The following ELP1 variants were observed in gnomAD, a reference collection of about 807,000 sequenced individuals.
The protein encoded by ELP1 is elongator complex protein 1.
Under a neutral mutation model 183.2 loss-of-function variants are expected in ELP1, and 131 were observed. That is an observed-to-expected ratio of 0.72 (90% CI 0.62 to 0.83). The LOEUF (loss-of-function observed/expected upper bound fraction) is 0.83, where lower values mean the gene tolerates loss of function less well. ELP1 is among the 40% of genes least tolerant of loss of function. The probability of loss-of-function intolerance (pLI) is 0.00; values close to 1 mark genes in which losing one functional copy is unlikely to be tolerated. For missense variants in ELP1, 1,550 were observed against 1,594.9 expected, an observed-to-expected ratio of 0.97 and a Z score of 0.48; for synonymous variants, 555 against 569.0, an observed-to-expected ratio of 0.98 and a Z score of 0.35.
At chr9:108,913,335 A>T (rs1387851614) in intron 10 of ELP1, among the ~76,000 whole-genome samples, 1 of 152,238 alleles carries the variant, frequency 6.6e-6, no homozygotes, top group Non-Finnish European at 1.5e-5. Flanking sequence ...AAAGAAGATA[A>T]GCATGAAATT....
At position 108,880,155 on chromosome 9, in the gene ELP1, A is replaced by C; in HGVS notation, c.3357T>G (p.Asn1119Lys). Residue 1119 changes from asparagine (N) to lysine (K), a missense_variant, in exon 32 of 37, where the codon AAT becomes AAG. Transcript: ENST00000374647. ...TCTGAGAGTCCAGAAATGCCATATA[A>C]TTTTTCTGGGCTGGAGATGCAGAAT... ...VKPSILEAQK[N>K]YMAFLDSQTA... The C allele has an allele frequency of 6.2e-7, 1 of 1,611,214 alleles. No individual in the cohort carries two copies. The highest frequency in any genetic ancestry group is 1.1e-5 in the South Asian group (1 of 91,026).
chr9:108,907,887 C>A (rs1280976006), intron 13 of ELP1, among the ~76,000 whole-genome samples: 1 of 152,120 alleles, frequency 6.6e-6, no homozygotes, highest in Non-Finnish European at 1.5e-5. Context: ...ATCCCAGGAG[C>A]CTCAAAGCAC....
Position 108,891,187 on chromosome 9 carries a change from A to C in ELP1, c.3160+16T>G, listed in dbSNP as rs1319560227. ...AAAACCTTTGTAGATGTAAACATATAAATGATTGTACTTACCTGCCAGAGT... is the reference window on the plus strand; with the variant it reads ...AAAACCTTTGTAGATGTAAACATATCAATGATTGTACTTACCTGCCAGAGT... On this transcript the variant is annotated intron_variant, in intron 28 of 36. Coordinates refer to ENST00000374647, the MANE Select transcript of ELP1 (RefSeq NM_003640.5). The C allele has an allele frequency of 1.9e-6, 3 of 1,612,742 alleles. No homozygotes were observed. The highest frequency in any genetic ancestry group is 2.7e-5 in the African/African-American group (2 of 74,932).
At position 108,901,483 on chromosome 9, in the gene ELP1, C is replaced by A. The variant is rs1344875419; in HGVS notation, c.1956G>T (p.Leu652Phe). 1.2e-6 allele frequency: 2 copies of A among 1,614,074 alleles called. No individual in the cohort carries two copies. The highest frequency in any genetic ancestry group is 1.7e-5 in the Admixed American group (1 of 60,016). ...TSFAVYDEFL[L>F]LTTHSHTCQC... ...GGCAGGTATGGGAATGGGTTGTCAA[C>A]AATAAAAACTCATCATATACTGCAA... The change falls in exon 18 of 37, where the codon TTG (leucine) becomes TTT (phenylalanine). Residue 652 changes from leucine (L) to phenylalanine (F), a missense_variant. Leu to Phe is a conservative substitution (Grantham distance 22). Coordinates refer to ENST00000374647, the MANE Select transcript of ELP1 (RefSeq NM_003640.5).
chr9:108,920,426 C>A (rs2132033457), intron 6 of ELP1, among the ~76,000 whole-genome samples: 1 of 152,218 alleles, frequency 6.6e-6, no homozygotes, highest in Admixed American at 6.5e-5. Context: ...AGATTACAGG[C>A]ATCTGCCACC....
rs117100816 is a variant in ELP1 at position 108,933,963 on chromosome 9, T to A, written c.-155A>T. 911 of 159,550 alleles carry A rather than the reference T, an allele frequency of 5.7e-3. 5 individuals carry two copies. The highest frequency in any genetic ancestry group is 0.021 in the Middle Eastern group (7 of 338). 9.9% of individuals were successfully genotyped at this position (159,550 alleles called of 1,614,324 possible). A position where few individuals can be genotyped will look rare whatever the true frequency, so the allele number is the denominator to read the frequency against. ...CCCACAGTCCGCACCCAGAGTCGGC[T>A]CCGAATTGCGCACGCGTCTCTGTCC... On this transcript the variant is annotated 5_prime_UTR_variant, in exon 1 of 37. Transcript: ENST00000374647.
rs1827327217 is a variant in ELP1 at position 108,868,776 on chromosome 9, T to C, written c.*339A>G. 1 of 567,028 alleles carries C rather than the reference T, an allele frequency of 1.8e-6. No individual in the cohort carries two copies. Among genetic ancestry groups the C allele is most frequent in the Non-Finnish European group, 3.1e-6 (1 of 321,184 alleles). The allele number at this position is 567,028 out of a possible 1,614,324, so 35.1% of individuals were successfully genotyped here. On this transcript the variant is annotated 3_prime_UTR_variant, in exon 37 of 37. Coordinates refer to ENST00000374647, the MANE Select transcript of ELP1 (RefSeq NM_003640.5). ...AATAAGACAATTTAGAAACATTGTT[T>C]TACTTGTCTTCACACTTTGGAGGTA...
intron 25 of ELP1, among the ~76,000 whole-genome samples, chr9:108,894,288 T>A (rs1027679298): frequency 7.2e-5 from 11 of 152,198 alleles, no homozygotes; most frequent in Admixed American, 2.0e-4. Flanking sequence ...AATCCAAGCA[T>A]ACCCCAGTCC....
rs3835305 is a variant in ELP1 at position 108,903,824 on chromosome 9, T to TAC, written c.1644-157_1644-156dup. Among the ~76,000 whole-genome samples, 6,426 of 150,656 alleles carry TAC rather than the reference T, an allele frequency of 0.043. 448 individuals carry two copies. The highest frequency in any genetic ancestry group is 0.14 in the African/African-American group (5,919 of 40,940). On this transcript the variant is annotated intron_variant, in intron 14 of 36. Transcript: ENST00000374647. Reference sequence around the variant, plus strand: ...ATACATATATACACACCCAATACTATACACACACACACACACACACACACA... The same window carrying TAC: ...ATACATATATACACACCCAATACTATACACACACACACACACACACACACACA...
In ELP1 at chr9:108,894,047, G is replaced by A; in HGVS notation, c.2756C>T (p.Pro919Leu). The A allele has an allele frequency of 6.6e-7, 1 of 1,513,832 alleles. No individual in the cohort carries two copies. The highest frequency in any genetic ancestry group is 9.2e-7 in the Non-Finnish European group (1 of 1,090,824). 93.8% of individuals were successfully genotyped at this position (1,513,832 alleles called of 1,614,324 possible). A position where few individuals can be genotyped will look rare whatever the true frequency, so the allele number is the denominator to read the frequency against. ...CATTTTCTTAAGTGTATTAAGAAAT[G>A]GAAGATATTCTTTGGGATCCTAAAA... ...KSQKDPKEYL[P>L]FLNTLKKMET... The change falls in exon 26 of 37, where the codon CCA becomes CTA. Residue 919 changes from proline (P) to leucine (L), a missense_variant. Transcript: ENST00000374647.
At chr9:108,926,380 G>T in intron 5 of ELP1, 143 bp downstream of exon 5, 1 of 720,602 alleles carries the variant, frequency 1.4e-6, no homozygotes, top group Non-Finnish European at 2.5e-6. Context: ...TGGGCTGAAG[G>T]AACTGGGCTA....
intron 7 of ELP1, 89 bp downstream of exon 7, chr9:108,919,164 C>T: frequency 1.1e-6 from 1 of 870,378 alleles, no homozygotes; most frequent in Non-Finnish European, 1.9e-6. Context: ...TAATTAATAC[C>T]CTACTCAAAG....
At chr9:108,932,151 G>C (rs1443253391) in intron 1 of ELP1, among the ~76,000 whole-genome samples, 1 of 152,152 alleles carries the variant, frequency 6.6e-6, no homozygotes, top group African/African-American at 2.4e-5. Flanking sequence ...AAAGAATAAA[G>C]ATGAATCAAT....
rs779459585 is a variant in ELP1, at chr9:108,878,653, C to T, written c.3670G>A (p.Glu1224Lys). 1.9e-6 allele frequency: 3 copies of T among 1,614,254 alleles called. No individual in the cohort carries two copies. The highest frequency in any genetic ancestry group is 2.5e-6 in the Non-Finnish European group (3 of 1,180,046). ...EDLALLEALSEVVQNTENLKD... is the reference protein window; with the variant it reads ...EDLALLEALSKVVQNTENLKD... ...AGGTTTTCAGTGTTCTGCACCACTT[C>T]ACTCAGTGCCTCCAGGAGGGCCAGG... is the stretch of plus-strand genomic sequence containing the variant. The change falls in exon 34 of 37, where the codon GAA becomes AAA. Residue 1224 changes from glutamate (E) to lysine (K), a missense_variant. By Grantham distance (56) the Glu-to-Lys change is moderately conservative (BLOSUM62 1). Transcript: ENST00000374647.
intron 1 of ELP1, among the ~76,000 whole-genome samples, chr9:108,932,756 T>C (rs1830039564): frequency 6.6e-6 from 1 of 152,128 alleles, no homozygotes; most frequent in African/African-American, 2.4e-5. Context: ...TCCACTTCTT[T>C]CCAGGCTAGG....
chr9:108,883,472 GAGTTTTACAGTTTT>G (rs1390328656), intron 29 of ELP1, among the ~76,000 whole-genome samples: 2 of 151,590 alleles, frequency 1.3e-5, no homozygotes, highest in African/African-American at 4.9e-5. Flanking sequence ...CAGCCTTCAA[GAGTTTTACAGTTTT>G]AGCTCTTAAA....
chr9:108,893,915 A>G, intron 26 of ELP1, 28 bp downstream of exon 26: 1 of 1,612,702 alleles, frequency 6.2e-7, no homozygotes, highest in Non-Finnish European at 8.5e-7. Flanking sequence ...TCTGAAGTAG[A>G]GATAAACATA....
rs1358881100 is a variant in ELP1 at position 108,897,248 on chromosome 9, C to CTGG, written c.2398_2400dup (p.Pro800dup). ...CTGGACAGGTAGACACTGCTGGTAA[C>CTGG]TGGTGCAGGGTACATGGTCTTCGTG... On this transcript the variant is annotated inframe_insertion, in exon 23 of 37. Transcript: ENST00000374647. 1.9e-6 allele frequency: 3 copies of CTGG among 1,614,038 alleles called. No individual in the cohort carries two copies. Among genetic ancestry groups the CTGG allele is most frequent in the East Asian group, 4.5e-5 (2 of 44,896 alleles).
At chr9:108,913,793 C>T (rs140846813) in intron 10 of ELP1, among the ~76,000 whole-genome samples, 9,150 of 152,144 alleles carry the variant, frequency 0.06, 937 homozygotes, top group African/African-American at 0.21. Flanking sequence ...ACTACAGGCG[C>T]GCACCACCAC....
Sources: gnomAD v4.1 joint callset for allele counts (sites outside exome capture counted in the v4.1 genomes callset) on GRCh38, gnomAD v4.1.1 for gene constraint, MANE v1.5 for transcripts, NCBI Gene and HGNC (gene_info 2026-07-23, HGNC 2026-07-21) for gene names.